COA1: variants seen among roughly 807,000 people sequenced by gnomAD.
The protein encoded by COA1 is cytochrome c oxidase assembly factor 1.
A neutral mutation model predicts 16.0 loss-of-function variants in COA1; 13 were observed. That is an observed-to-expected ratio of 0.81 (90% CI 0.53 to 1.29). The LOEUF (loss-of-function observed/expected upper bound fraction) is 1.29, where lower values mean the gene tolerates loss of function less well. Ranked by LOEUF, COA1 falls within the 50% of genes most tolerant of loss-of-function variation. COA1 has a pLI of 0.00. For synonymous variants in COA1, 65 were observed against 65.7 expected, an observed-to-expected ratio of 0.99 and a Z score of 0.05; for missense variants, 179 against 177.0, an observed-to-expected ratio of 1.01 and a Z score of -0.06.
chr7:43,710,375 A>AAAAAAAATATATATATATATATATAT (rs761592421), intron 1 of COA1, among the ~76,000 whole-genome samples: 2 of 36,448 alleles, frequency 5.5e-5, no homozygotes, highest in Non-Finnish European at 9.4e-5. Flanking sequence ...AAAAAAAAAA[A>AAAAAAAATATATATATATATATATAT]ATATATATAT....
intron 1 of COA1, among the ~76,000 whole-genome samples, chr7:43,676,766 A>C (rs1183836899): frequency 6.6e-6 from 1 of 152,152 alleles, no homozygotes; most frequent in Non-Finnish European, 1.5e-5. Context: ...ATCACATTGT[A>C]CCCCATAAAT....
At chr7:43,658,036 A>G (rs1044912097) in intron 1 of COA1, among the ~76,000 whole-genome samples, 1 of 152,014 alleles carries the variant, frequency 6.6e-6, no homozygotes. Flanking sequence ...AAAAATAAAA[A>G]TTAAAATAAA....
intron 1 of COA1, among the ~76,000 whole-genome samples, chr7:43,656,472 C>T (rs980567182): frequency 1.3e-5 from 2 of 151,292 alleles, no homozygotes; most frequent in East Asian, 2.0e-4. Context: ...CCAAGGCAGG[C>T]GGATCACGAG....
downstream of COA1, among the ~76,000 whole-genome samples, chr7:43,638,570 T>C (rs2086314847): frequency 1.5e-4 from 3 of 20,322 alleles, no homozygotes; most frequent in African/African-American, 7.0e-4. Flanking sequence ...TCTTTCCTTT[T>C]TTTTTTTTTT....
At chr7:43,624,531 G>A (rs760541089) in intron 6 of COA1, 1 of 1,612,398 alleles carries the variant, frequency 6.2e-7, no homozygotes, top group Non-Finnish European at 8.5e-7. Context: ...TCGAGCCACT[G>A]CTGAAGAATG....
intron 1 of COA1, among the ~76,000 whole-genome samples, chr7:43,662,938 G>C (rs1040055201): frequency 6.6e-6 from 1 of 152,198 alleles, no homozygotes; most frequent in Non-Finnish European, 1.5e-5. Flanking sequence ...TGCCATACCA[G>C]TATGGATCTG....
intron 1 of COA1, among the ~76,000 whole-genome samples, chr7:43,699,668 G>A (rs1171745387): frequency 6.6e-6 from 1 of 152,150 alleles, no homozygotes; most frequent in Non-Finnish European, 1.5e-5. Context: ...TGGCTTCAAA[G>A]TGACACTAAG....
chr7:43,620,989 G>C (rs76037972), intron 6 of COA1, among the ~76,000 whole-genome samples: 1 of 152,208 alleles, frequency 6.6e-6, no homozygotes. Context: ...GAAGAGAGCA[G>C]GGTCTCCTTT....
intron 3 of COA1, chr7:43,646,587 G>A: frequency 2.2e-6 from 1 of 456,698 alleles, no homozygotes; most frequent in South Asian, 1.5e-5. Context: ...GCCTCCTAAG[G>A]GAGAAAGGCT....
intron 6 of COA1, among the ~76,000 whole-genome samples, chr7:43,628,211 C>T (rs1354907744): frequency 1.3e-5 from 2 of 152,054 alleles, no homozygotes; most frequent in Admixed American, 6.5e-5. Flanking sequence ...AAGCTGGTCT[C>T]GAACTCCTGA....
chr7:43,706,184 A>C (rs80168105), intron 1 of COA1, among the ~76,000 whole-genome samples: 4 of 152,042 alleles, frequency 2.6e-5, no homozygotes, highest in Non-Finnish European at 4.4e-5. Flanking sequence ...GAAAAAAAAA[A>C]TCTCTTTTAC....
chr7:43,612,532 A>C (rs2082967649), intron 6 of COA1, among the ~76,000 whole-genome samples: 1 of 152,232 alleles, frequency 6.6e-6, no homozygotes, highest in South Asian at 2.1e-4. Flanking sequence ...TTATGTTTTC[A>C]TTCTCTAAAA....
At chr7:43,609,339 TA>T (rs548885244) in exon 7 of COA1, 299 of 152,428 alleles carry the variant, frequency 2.0e-3, no homozygotes, top group Admixed American at 5.0e-3. Flanking sequence ...TTGGAACCAG[TA>T]AGTGTGCTGG....
At chr7:43,717,170 G>A (rs571976904) in intron 1 of COA1, among the ~76,000 whole-genome samples, 9 of 152,206 alleles carry the variant, frequency 5.9e-5, no homozygotes, top group Non-Finnish European at 1.2e-4. Context: ...GCTGTGAGAA[G>A]AGGGCCACCA....
rs777189024 is a variant in COA1, at chr7:43,639,577, C to T, written c.*5G>A. The T allele has an allele frequency of 1.5e-5, 24 of 1,611,600 alleles. No individual in the cohort carries two copies. Among genetic ancestry groups the T allele is most frequent in the Admixed American group, 1.7e-5 (1 of 59,972 alleles). ...TAGAAGCAAGCTGGGTCTTCTGGGT[C>T]GTCTCTACTCCTTTTTCACTTCATC... On this transcript the variant is annotated 3_prime_UTR_variant, in exon 6 of 6. Coordinates refer to ENST00000223336, the MANE Select transcript of COA1 (RefSeq NM_018224.4).
At position 43,684,485 on chromosome 7, in the gene COA1, A is replaced by T. The variant is rs577157752; in HGVS notation, c.-38-35833T>A. Among the ~76,000 whole-genome samples, 4 of 152,248 alleles carry T rather than the reference A, an allele frequency of 2.6e-5. No individual in the cohort carries two copies. In the East Asian group the frequency reaches 7.7e-4, roughly 29 times the overall value. ...AGCAAGTGTCCCAGAAAACAAGGTGAAGGCTGCACTGCCTTTTCTGACTTA... is the reference window on the plus strand; with the variant it reads ...AGCAAGTGTCCCAGAAAACAAGGTGTAGGCTGCACTGCCTTTTCTGACTTA... On this transcript the variant is annotated intron_variant, in intron 1 of 5. Coordinates refer to ENST00000223336, the MANE Select transcript of COA1 (RefSeq NM_018224.4).
At chr7:43,680,399 C>A (rs1484704974) in intron 1 of COA1, among the ~76,000 whole-genome samples, 1 of 151,336 alleles carries the variant, frequency 6.6e-6, no homozygotes, top group East Asian at 1.9e-4. Flanking sequence ...AGAAAAGAAA[C>A]ACTTTATCAG....
chr7:43,628,274 G>A (rs991047129), intron 6 of COA1, among the ~76,000 whole-genome samples: 1 of 152,158 alleles, frequency 6.6e-6, no homozygotes, highest in East Asian at 1.9e-4. Flanking sequence ...TTACAGGCGT[G>A]AGCCACCATG....
intron 1 of COA1, among the ~76,000 whole-genome samples, chr7:43,699,511 TAC>T (rs752859307): frequency 5.9e-5 from 9 of 152,308 alleles, no homozygotes; most frequent in Admixed American, 3.3e-4. Flanking sequence ...TTGCTCCTAG[TAC>T]AGTTTCCAGT....
Sources: gnomAD v4.1 joint callset for allele counts (sites outside exome capture counted in the v4.1 genomes callset) on GRCh38, gnomAD v4.1.1 for gene constraint, MANE v1.5 for transcripts, NCBI Gene and HGNC (gene_info 2026-07-23, HGNC 2026-07-21) for gene names.